PPP1R1C: variants seen among roughly 807,000 people sequenced by gnomAD.
PPP1R1C encodes the protein protein phosphatase 1 regulatory inhibitor subunit 1C.
Under a neutral mutation model 17.4 loss-of-function variants are expected in PPP1R1C, and 15 were observed. The ratio of observed to expected loss-of-function variants is 0.86; its 90% CI spans 0.58 to 1.33. The LOEUF (loss-of-function observed/expected upper bound fraction) is 1.33, where lower values mean the gene tolerates loss of function less well. Among genes scored for constraint, PPP1R1C ranks in the 40% most tolerant of loss-of-function variants. The pLI is 0.00. For missense variants in PPP1R1C, 143 were observed against 130.0 expected (o/e 1.10, Z -0.48); for synonymous variants, 35 against 43.1 (o/e 0.81, Z 0.73).
intron 4 of PPP1R1C, among the ~76,000 whole-genome samples, chr2:182,102,190 G>T (rs561183228): frequency 6.6e-6 from 1 of 152,230 alleles, no homozygotes; most frequent in East Asian, 1.9e-4. Context: ...TTTTATGAGA[G>T]ACATGGAAAA....
At position 182,114,454 on chromosome 2, in the gene PPP1R1C, G is replaced by A. The variant is rs1689523867; in HGVS notation, c.242-2753G>A. ...ATTATACGTGTGTTTTGGGATGCAG[G>A]AGAGGTGTAGGGAGAAAGAAATTAT... On this transcript the variant is annotated intron_variant, in intron 4 of 4. Coordinates refer to ENST00000682840, the MANE Select transcript of PPP1R1C (RefSeq NM_001080545.3). Among the ~76,000 whole-genome samples, 5 of 152,300 alleles carry A rather than the reference G, an allele frequency of 3.3e-5. 1 individual carries two copies. The South Asian group carries it at 1.0e-3, about 32-fold the overall frequency.
At chr2:182,024,807 A>G (rs1686542743) in intron 2 of PPP1R1C, among the ~76,000 whole-genome samples, 1 of 152,106 alleles carries the variant, frequency 6.6e-6, no homozygotes, top group Non-Finnish European at 1.5e-5. Flanking sequence ...GTGAGCTGAG[A>G]TCATGCCACT....
At chr2:182,103,819 C>T (rs1689171194) in intron 4 of PPP1R1C, 1 of 152,164 alleles carries the variant, frequency 6.6e-6, no homozygotes, top group Admixed American at 6.5e-5. Context: ...AGGCCTTCCA[C>T]AGAGTAAGTA....
At chr2:182,063,616 G>A in intron 3 of PPP1R1C, 115 bp from the exon 4 acceptor site, 1 of 792,048 alleles carries the variant, frequency 1.3e-6, no homozygotes, top group Non-Finnish European at 2.2e-6. Flanking sequence ...TCATGACAGG[G>A]AGAAATCAGA....
chr2:181,972,000 C>T (rs999259449), intron 1 of PPP1R1C, among the ~76,000 whole-genome samples: 3 of 152,250 alleles, frequency 2.0e-5, no homozygotes, highest in African/African-American at 7.2e-5. Context: ...TTCAGTGCCT[C>T]TTCCAGTGAT....
rs1689619776 is a variant in PPP1R1C at position 182,117,372 on chromosome 2, T to A, written c.*77T>A. The A allele has an allele frequency of 1.9e-6, 2 of 1,040,778 alleles. No individual in the cohort carries two copies. The highest frequency in any genetic ancestry group is 1.5e-5 in the South Asian group (1 of 67,646). 64.5% of individuals were successfully genotyped at this position (1,040,778 alleles called of 1,614,324 possible). A position where few individuals can be genotyped will look rare whatever the true frequency, so the allele number is the denominator to read the frequency against. ...TTCTGAGTATACCATGGAATTCCACTGCTTGACTTCCAGAAGCATCCTCCA... is the reference window on the plus strand; with the variant it reads ...TTCTGAGTATACCATGGAATTCCACAGCTTGACTTCCAGAAGCATCCTCCA... On this transcript the variant is annotated 3_prime_UTR_variant, in exon 5 of 5. Coordinates refer to ENST00000682840, the MANE Select transcript of PPP1R1C (RefSeq NM_001080545.3).
Position 182,037,129 on chromosome 2 carries a change from C to T in PPP1R1C, c.143-24313C>T, listed in dbSNP as rs139577801. ...GGAGCAAAAAGAAGAAGGGCATTCC[C>T]AGTTGCTTTGTTACAATGCCAGAAT... On this transcript the variant is annotated intron_variant, in intron 2 of 4. Coordinates refer to ENST00000682840, the MANE Select transcript of PPP1R1C (RefSeq NM_001080545.3). Among the ~76,000 whole-genome samples, 1,219 of 152,182 alleles carry T rather than the reference C, an allele frequency of 8.0e-3. 18 individuals are homozygous for T. Among genetic ancestry groups the T allele is most frequent in the African/African-American group, 0.028 (1,144 of 41,516 alleles).
chr2:182,112,683 C>A (rs1378278971), intron 4 of PPP1R1C, among the ~76,000 whole-genome samples: 3 of 152,056 alleles, frequency 2.0e-5, no homozygotes, highest in African/African-American at 7.2e-5. Context: ...GAGTAGAATT[C>A]AAATTCATAA....
At chr2:181,999,923 C>T (rs925512807) in intron 2 of PPP1R1C, among the ~76,000 whole-genome samples, 6 of 152,082 alleles carry the variant, frequency 3.9e-5, no homozygotes, top group Non-Finnish European at 5.9e-5. Context: ...TGACTTAAAT[C>T]ATCATTAGTT....
chr2:182,022,208 G>C (rs1026097238), intron 2 of PPP1R1C, among the ~76,000 whole-genome samples: 1 of 152,014 alleles, frequency 6.6e-6, no homozygotes, highest in Non-Finnish European at 1.5e-5. Flanking sequence ...AAATTTTTTG[G>C]TTAACACCAT....
At chr2:181,971,900 G>T (rs771147828) in intron 1 of PPP1R1C, among the ~76,000 whole-genome samples, 1 of 152,190 alleles carries the variant, frequency 6.6e-6, no homozygotes, top group Non-Finnish European at 1.5e-5. Flanking sequence ...TTCCTCAAGT[G>T]CACAGATTCT....
Position 181,987,912 on chromosome 2 carries a change from G to T in PPP1R1C, c.142+13G>T, listed in dbSNP as rs2125140181. Reference sequence around the variant, plus strand: ...CATAACCCCCCAGGTAAAGAAGCATGATGTGTTTCACACTGATGGAACAGA... The same window carrying T: ...CATAACCCCCCAGGTAAAGAAGCATTATGTGTTTCACACTGATGGAACAGA... On this transcript the variant is annotated intron_variant, in intron 2 of 4. Coordinates refer to ENST00000682840, the MANE Select transcript of PPP1R1C (RefSeq NM_001080545.3). 1 of 1,604,108 alleles carries T rather than the reference G, an allele frequency of 6.2e-7. No individual in the cohort carries two copies.
intron 4 of PPP1R1C, among the ~76,000 whole-genome samples, chr2:182,101,378 A>G (rs1361090232): frequency 6.6e-6 from 1 of 152,214 alleles, no homozygotes; most frequent in South Asian, 2.1e-4. Context: ...GTCCATTTCA[A>G]TGTCACCAAA....
At position 181,962,110 on chromosome 2, in the gene PPP1R1C, G is replaced by C. The variant is rs905125890; in HGVS notation, n.111+7476G>C. On this transcript the variant is annotated intron_variant and non_coding_transcript_variant, in intron 1 of 5. Coordinates refer to the PPP1R1C transcript ENST00000464264. The surrounding 1 kb of genome is among the most constrained non-coding windows in gnomAD (Gnocchi z 6.0). Reference sequence around the variant, plus strand: ...TCTTGAGGTAATGACTCCAGTCTCTGACCTGGAGTCCCTTCTTCTCCAGGT... The same window carrying C: ...TCTTGAGGTAATGACTCCAGTCTCTCACCTGGAGTCCCTTCTTCTCCAGGT... 2.8e-6 allele frequency: 2 copies of C among 722,970 alleles called. No homozygotes were observed. The highest frequency in any genetic ancestry group is 1.7e-5 in the African/African-American group (1 of 57,562). The allele number at this position is 722,970 out of a possible 1,614,324, so 44.8% of individuals were successfully genotyped here.
At chr2:181,964,283 C>A (rs1477189540) in intron 1 of PPP1R1C, among the ~76,000 whole-genome samples, 1 of 152,176 alleles carries the variant, frequency 6.6e-6, no homozygotes, top group African/African-American at 2.4e-5. Flanking sequence ...CATGCTGTTG[C>A]AAATGACAAG....
intron 2 of PPP1R1C, among the ~76,000 whole-genome samples, chr2:182,032,563 T>C (rs1470944536): frequency 6.6e-6 from 1 of 152,176 alleles, no homozygotes; most frequent in East Asian, 1.9e-4. Context: ...CACATACTTA[T>C]TTTTGATGAA....
chr2:181,973,654 G>A (rs1159748798), intron 1 of PPP1R1C, among the ~76,000 whole-genome samples: 2 of 152,174 alleles, frequency 1.3e-5, no homozygotes, highest in African/African-American at 2.4e-5. Context: ...ATTAAAGGCA[G>A]AAGAAAAGGG....
intron 4 of PPP1R1C, among the ~76,000 whole-genome samples, chr2:182,109,530 T>G (rs983797568): frequency 6.6e-6 from 1 of 152,182 alleles, no homozygotes; most frequent in Non-Finnish European, 1.5e-5. Context: ...GAGTGTAGTG[T>G]CTGAATCTAG....
intron 2 of PPP1R1C, among the ~76,000 whole-genome samples, chr2:182,043,429 G>A (rs188151016): frequency 1.5e-3 from 233 of 152,166 alleles, no homozygotes; most frequent in African/African-American, 4.8e-3. Flanking sequence ...TTTATCTGCC[G>A]TAATGTTATT....
Sources: allele counts gnomAD v4.1 joint callset (sites outside exome capture counted in the v4.1 genomes callset), GRCh38; gene constraint gnomAD v4.1.1; non-coding constraint Gnocchi (gnomAD v3.1); transcripts MANE v1.5; gene names NCBI Gene and HGNC (gene_info 2026-07-23, HGNC 2026-07-21).